The following ATP10D variants were observed in gnomAD, a reference collection of about 807,000 sequenced individuals.
ATP10D encodes phospholipid-transporting ATPase VD.
Under a neutral mutation model 144.8 loss-of-function variants are expected in ATP10D, and 89 were observed. The ratio of observed to expected loss-of-function variants is 0.61; its 90% CI spans 0.52 to 0.73. The LOEUF is 0.73. ATP10D is among the 30% of genes least tolerant of loss of function. ATP10D has a pLI of 0.00. For synonymous variants in ATP10D, 571 were observed against 615.1 expected, an observed-to-expected ratio of 0.93 and a Z score of 1.06; for missense variants, 1,603 against 1,714.8, an observed-to-expected ratio of 0.93 and a Z score of 1.15.
At chr4:47,534,395 CAT>C (rs1717721323) in intron 5 of ATP10D, among the ~76,000 whole-genome samples, 2 of 152,254 alleles carry the variant, frequency 1.3e-5, no homozygotes. Flanking sequence ...CAGATACATA[CAT>C]ACACACACAA....
Position 47,546,743 on chromosome 4 carries a change from A to T in ATP10D, c.1516A>T (p.Asn506Tyr), listed in dbSNP as rs375658947. ...AGCCCCCAGCTGCAGGACAGTTCATAATGGGCCTTTGGGAAATAAGCCCTC... is the reference window on the plus strand; with the variant it reads ...AGCCCCCAGCTGCAGGACAGTTCATTATGGGCCTTTGGGAAATAAGCCCTC... ...PRAPSCRTVHNGPLGNKPSNH... is the reference protein window; with the variant it reads ...PRAPSCRTVHYGPLGNKPSNH... Residue 506 changes from asparagine to tyrosine, a missense_variant, in exon 10 of 23, where the codon AAT (asparagine) becomes TAT (tyrosine). Asn to Tyr is a moderately radical substitution (Grantham distance 143). Coordinates refer to ENST00000273859, the MANE Select transcript of ATP10D (RefSeq NM_020453.4). 13 of 1,614,164 alleles carry T rather than the reference A, an allele frequency of 8.1e-6. No homozygotes were observed. The highest frequency in any genetic ancestry group is 9.3e-6 in the Non-Finnish European group (11 of 1,179,992).
rs372352682 is a variant in ATP10D at position 47,568,944 on chromosome 4, C to T, written c.2961C>T (p.Val987=). 1.9e-6 allele frequency: 3 copies of T among 1,613,928 alleles called. No individual in the cohort carries two copies. Among genetic ancestry groups the T allele is most frequent in the South Asian group, 1.1e-5 (1 of 91,068 alleles). The change falls in exon 16 of 23, where the codon GTC becomes GTT. Residue 987 remains valine (V), a synonymous_variant. Transcript: ENST00000273859. ...SLSEDLLQPP[V]PRDSGLRAGL... ...GTGAAGATTTACTTCAGCCTCCTGT[C>T]CCCCGGGACTCAGGGTTACGAGCTG...
At chr4:47,557,597 T>A in intron 11 of ATP10D, 67 bp from the exon 12 acceptor site, 1 of 1,423,274 alleles carries the variant, frequency 7.0e-7, no homozygotes, top group Non-Finnish European at 9.3e-7. Flanking sequence ...TTATTTCCAG[T>A]TTGCCTTCAA....
At chr4:47,494,716 C>CT (rs1299853183) in intron 1 of ATP10D, among the ~76,000 whole-genome samples, 6 of 152,080 alleles carry the variant, frequency 3.9e-5, no homozygotes, top group Admixed American at 2.0e-4. Flanking sequence ...TTCCCACTGA[C>CT]TTTAATTTTC....
rs1433826522 is a variant in ATP10D at position 47,523,114 on chromosome 4, C to A, written c.588C>A (p.Leu196=). 1.9e-6 allele frequency: 3 copies of A among 1,613,920 alleles called. No homozygotes were observed. The highest frequency in any genetic ancestry group is 2.5e-6 in the Non-Finnish European group (3 of 1,179,996). The change falls in exon 4 of 23, where the codon CTC becomes CTA. Residue 196 remains leucine, a synonymous_variant. Coordinates refer to ENST00000273859, the MANE Select transcript of ATP10D (RefSeq NM_020453.4). The part of the protein sequence containing the change: ...NEVIPADMVL[L]FSTDPDGICH... ...TCATCCCTGCAGACATGGTACTACT[C>A]TTTTCCACTGATCCAGATGGAATCT...
chr4:47,553,490 G>A (rs918970546), intron 10 of ATP10D, among the ~76,000 whole-genome samples: 2 of 152,224 alleles, frequency 1.3e-5, no homozygotes, highest in Admixed American at 1.3e-4. Context: ...GTCTGAAGGT[G>A]AGTGTGTCAT....
chr4:47,511,275 C>T (rs1463495699), intron 1 of ATP10D, among the ~76,000 whole-genome samples: 7 of 149,880 alleles, frequency 4.7e-5, no homozygotes, highest in Non-Finnish European at 9.0e-5. Flanking sequence ...GGCCAAAATC[C>T]AAAAGAACTG....
chr4:47,528,031 T>C (rs1717344008), intron 5 of ATP10D, among the ~76,000 whole-genome samples: 1 of 152,192 alleles, frequency 6.6e-6, no homozygotes, highest in African/African-American at 2.4e-5. Context: ...CAATGAAGTT[T>C]GTTAAAATTC....
intron 1 of ATP10D, among the ~76,000 whole-genome samples, chr4:47,505,471 C>G (rs909722299): frequency 1.3e-5 from 2 of 152,120 alleles, no homozygotes; most frequent in Non-Finnish European, 2.9e-5. Flanking sequence ...CACCTATAAT[C>G]CTAGCACTTT....
rs571674731 is a variant in ATP10D, at chr4:47,526,701, C to G, written c.776+1059C>G. ...GAAAACAAGATCCAGATACAAAAAT[C>G]GATTGTATTTTAATATGCTAATAAT... On this transcript the variant is annotated intron_variant, in intron 5 of 22. Coordinates refer to ENST00000273859, the MANE Select transcript of ATP10D (RefSeq NM_020453.4). 2.8e-3 allele frequency among the ~76,000 whole-genome samples: 420 copies of G among 152,086 alleles called. 6 individuals are homozygous for G. Among genetic ancestry groups the G allele is most frequent in the Middle Eastern group, 0.01 (3 of 294 alleles).
At chr4:47,523,309 A>G in intron 4 of ATP10D, 93 bp downstream of exon 4, 2 of 1,032,654 alleles carry the variant, frequency 1.9e-6, no homozygotes, top group Non-Finnish European at 2.9e-6. Context: ...GAGATTTTTA[A>G]TTCATTTTCA....
intron 14 of ATP10D, 46 bp downstream of exon 14, chr4:47,561,121 A>AT (rs1272447786): frequency 6.2e-7 from 1 of 1,606,778 alleles, no homozygotes; most frequent in Non-Finnish European, 8.5e-7. Context: ...ATTTTGAAAA[A>AT]CACTGGATAT....
At chr4:47,551,033 C>T (rs1230548575) in intron 10 of ATP10D, among the ~76,000 whole-genome samples, 1 of 152,254 alleles carries the variant, frequency 6.6e-6, no homozygotes, top group Non-Finnish European at 1.5e-5. Flanking sequence ...ATCCTTGTCC[C>T]TCCCGCTGTC....
intron 15 of ATP10D, among the ~76,000 whole-genome samples, chr4:47,568,535 C>A (rs1719757899): frequency 6.6e-6 from 1 of 152,106 alleles, no homozygotes; most frequent in Non-Finnish European, 1.5e-5. Flanking sequence ...TAATAATTGG[C>A]AGAATGAGAC....
chr4:47,497,442 C>T (rs1009110737), intron 1 of ATP10D, among the ~76,000 whole-genome samples: 7 of 151,510 alleles, frequency 4.6e-5, no homozygotes, highest in African/African-American at 9.7e-5. Context: ...ACAACAAGAG[C>T]GAAACTCCGT....
chr4:47,490,037 G>T (rs930527274), intron 1 of ATP10D, among the ~76,000 whole-genome samples: 1 of 152,036 alleles, frequency 6.6e-6, no homozygotes, highest in Non-Finnish European at 1.5e-5. Context: ...AATTTTCTTG[G>T]TTATGAGAAG....
At chr4:47,590,979 G>GGA (rs974041017) in intron 22 of ATP10D, 63 bp from the exon 23 acceptor site, 3 of 1,160,556 alleles carry the variant, frequency 2.6e-6, no homozygotes, top group Non-Finnish European at 3.5e-6. Context: ...TAGTATTTGG[G>GGA]GGGGGGGGTT....
chr4:47,536,581 C>T lies in ATP10D; in HGVS notation c.1143+17C>T. 6.2e-7 allele frequency: 1 copy of T among 1,610,040 alleles called. No homozygotes were observed. The highest frequency in any genetic ancestry group is 8.5e-7 in the Non-Finnish European group (1 of 1,178,606). On this transcript the variant is annotated intron_variant, in intron 8 of 22. Transcript: ENST00000273859. Reference sequence around the variant, plus strand: ...TTGTTACAGGTAATTTTTTATCAAGCTTATGGTAGAATTTTAACATCTTTG... The same window carrying T: ...TTGTTACAGGTAATTTTTTATCAAGTTTATGGTAGAATTTTAACATCTTTG...
chr4:47,523,255 T>G (rs1440434023), intron 4 of ATP10D, 39 bp downstream of exon 4: 1 of 1,536,076 alleles, frequency 6.5e-7, no homozygotes, highest in Non-Finnish European at 9.0e-7. Flanking sequence ...TATTAACATT[T>G]TTTTTCAGAA....
Sources: gnomAD v4.1 joint callset for allele counts (sites outside exome capture counted in the v4.1 genomes callset) on GRCh38, gnomAD v4.1.1 for gene constraint, MANE v1.5 for transcripts, NCBI Gene and HGNC (gene_info 2026-07-23, HGNC 2026-07-21) for gene names.